The following PCDH9 variants were observed in gnomAD, a reference collection of about 807,000 sequenced individuals.
PCDH9 encodes the protein protocadherin-9.
In PCDH9, 24 loss-of-function variants were observed where a neutral mutation model predicts 70.6. That is an observed-to-expected ratio of 0.34 (90% CI 0.25 to 0.48). The LOEUF (loss-of-function observed/expected upper bound fraction) is 0.48, where lower values mean the gene tolerates loss of function less well. Ranked by LOEUF, PCDH9 falls within the 20% of genes least tolerant of loss-of-function variation. The probability of loss-of-function intolerance (pLI) is 0.99; values close to 1 mark genes in which losing one functional copy is unlikely to be tolerated. For synonymous variants in PCDH9, 562 were observed against 558.5 expected (o/e 1.01, Z -0.09); for missense variants, 1,281 against 1,503.6 (o/e 0.85, Z 2.45).
At chr13:66,463,901 T>C (rs924486368) in intron 4 of PCDH9, among the ~76,000 whole-genome samples, 66 of 151,786 alleles carry the variant, frequency 4.3e-4, no homozygotes, top group African/African-American at 1.5e-3. Flanking sequence ...TGATGCTGCA[T>C]GATTTATAAA....
chr13:66,793,690 A>C (rs1288737510), intron 3 of PCDH9, among the ~76,000 whole-genome samples: 1 of 152,184 alleles, frequency 6.6e-6, no homozygotes, highest in Non-Finnish European at 1.5e-5. Context: ...AAGGGGAGGA[A>C]AAAAGAGTAT....
intron 3 of PCDH9, among the ~76,000 whole-genome samples, chr13:66,893,215 T>G (rs1836816602): frequency 6.6e-6 from 1 of 152,160 alleles, no homozygotes; most frequent in Non-Finnish European, 1.5e-5. Flanking sequence ...TCAACTTCAT[T>G]TAGTCCGGAC....
chr13:66,656,669 T>C (rs1287701300), intron 3 of PCDH9, among the ~76,000 whole-genome samples: 2 of 152,116 alleles, frequency 1.3e-5, no homozygotes, highest in Admixed American at 1.3e-4. Flanking sequence ...CCCTCTTCTG[T>C]AGTTTCTTGA....
intron 2 of PCDH9, among the ~76,000 whole-genome samples, chr13:67,129,738 T>C (rs1277614976): frequency 6.6e-6 from 1 of 152,030 alleles, no homozygotes; most frequent in Non-Finnish European, 1.5e-5. Context: ...TTTGTTTTTC[T>C]ATCTTTCCAG....
At chr13:66,795,837 C>T (rs148428159) in intron 3 of PCDH9, among the ~76,000 whole-genome samples, 352 of 152,264 alleles carry the variant, frequency 2.3e-3, no homozygotes, top group Middle Eastern at 0.01. Context: ...CTCTTTGTTA[C>T]TACAAACACT....
rs371855395 is a variant in PCDH9, at chr13:67,104,653, A to G, written c.3036+120752T>C. On this transcript the variant is annotated intron_variant, in intron 2 of 4. Coordinates refer to ENST00000377865, the MANE Select transcript of PCDH9 (RefSeq NM_203487.3). Reference sequence around the variant, plus strand: ...AAGCTCTGCCTCCTGGGTTCACGCCATTCTCTTGCCTCAGCCTCTCGAGTA... The same window carrying G: ...AAGCTCTGCCTCCTGGGTTCACGCCGTTCTCTTGCCTCAGCCTCTCGAGTA... Among the ~76,000 whole-genome samples, 117 of 151,590 alleles carry G rather than the reference A, an allele frequency of 7.7e-4. 5 individuals carry two copies. In the South Asian group the frequency reaches 0.024, roughly 31 times the overall value.
At chr13:66,536,719 T>C (rs1418019851) in intron 4 of PCDH9, among the ~76,000 whole-genome samples, 1 of 148,780 alleles carries the variant, frequency 6.7e-6, no homozygotes, top group Non-Finnish European at 1.5e-5. Flanking sequence ...AAAATGTATA[T>C]GCTAAATGAA....
At chr13:67,120,823 T>C (rs2086861884) in intron 2 of PCDH9, among the ~76,000 whole-genome samples, 1 of 152,092 alleles carries the variant, frequency 6.6e-6, no homozygotes. Flanking sequence ...CTTTCTCATA[T>C]ATAATGATGG....
chr13:66,765,905 A>C (rs1044964850), intron 3 of PCDH9, among the ~76,000 whole-genome samples: 6 of 152,012 alleles, frequency 3.9e-5, no homozygotes, highest in African/African-American at 1.2e-4. Context: ...GAACCAGAGA[A>C]AGAACATCCC....
chr13:66,708,526 G>A (rs2078748151), intron 3 of PCDH9, among the ~76,000 whole-genome samples: 1 of 151,052 alleles, frequency 6.6e-6, no homozygotes, highest in Non-Finnish European at 1.5e-5. Flanking sequence ...GGAAAATGTA[G>A]AGATATAGAA....
At chr13:66,966,703 A>G (rs376930828) in intron 2 of PCDH9, among the ~76,000 whole-genome samples, 10 of 152,126 alleles carry the variant, frequency 6.6e-5, no homozygotes, top group African/African-American at 2.2e-4. Context: ...AACTATTCAC[A>G]GTGATTTTTG....
intron 3 of PCDH9, among the ~76,000 whole-genome samples, chr13:66,851,348 T>A (rs2081311528): frequency 1.3e-5 from 2 of 152,042 alleles, no homozygotes; most frequent in Admixed American, 1.3e-4. Context: ...CTATTCAACA[T>A]GTAACAGTAG....
intron 4 of PCDH9, among the ~76,000 whole-genome samples, chr13:66,552,059 C>T (rs1030020954): frequency 1.3e-5 from 2 of 152,062 alleles, no homozygotes. Flanking sequence ...GTTCTCTCTC[C>T]AGGCCACCAA....
chr13:66,615,274 G>A (rs973188211), intron 4 of PCDH9, among the ~76,000 whole-genome samples: 36 of 152,184 alleles, frequency 2.4e-4, no homozygotes, highest in African/African-American at 8.7e-4. Flanking sequence ...TTTACACTTA[G>A]GTACATTGGA....
chr13:66,770,088 T>A (rs1443300562), intron 3 of PCDH9, among the ~76,000 whole-genome samples: 1 of 152,194 alleles, frequency 6.6e-6, no homozygotes, highest in Non-Finnish European at 1.5e-5. Flanking sequence ...TAGGGTTGCA[T>A]GCATATTTTA....
intron 4 of PCDH9, among the ~76,000 whole-genome samples, chr13:66,331,912 G>A (rs905557558): frequency 6.6e-6 from 1 of 152,162 alleles, no homozygotes; most frequent in Admixed American, 6.5e-5. Flanking sequence ...AATGGAGAGA[G>A]GGTACTGAAG....
intron 3 of PCDH9, among the ~76,000 whole-genome samples, chr13:66,655,342 C>A (rs1025960460): frequency 1.3e-5 from 2 of 151,820 alleles, no homozygotes; most frequent in African/African-American, 4.8e-5. Context: ...TGCTTTCCAG[C>A]ATTTCTTTAT....
chr13:66,856,257 G>C (rs746618874), intron 3 of PCDH9, among the ~76,000 whole-genome samples: 3 of 151,922 alleles, frequency 2.0e-5, no homozygotes, highest in Non-Finnish European at 4.4e-5. Flanking sequence ...CCATCTTAGA[G>C]ACTGTAAAAG....
rs1329497318 is a variant in PCDH9, at chr13:66,326,413, AC to A, written c.3341-21386del. Among the ~76,000 whole-genome samples, 447 of 150,122 alleles carry A rather than the reference AC, an allele frequency of 3.0e-3. 2 individuals are homozygous for A. The highest frequency in any genetic ancestry group is 0.011 in the African/African-American group (429 of 40,830). On this transcript the variant is annotated intron_variant, in intron 4 of 4. Transcript: ENST00000377865. ...TTCTTCTTCTAAAAAAAAAAAAAAA[AC>A]AACGAAAACAATAAAAAAAAACACA...
Sources: allele counts gnomAD v4.1 joint callset (sites outside exome capture counted in the v4.1 genomes callset), GRCh38; gene constraint gnomAD v4.1.1; transcripts MANE v1.5; gene names NCBI Gene and HGNC (gene_info 2026-07-23, HGNC 2026-07-21).